Variants in POLR1A observed in about 807,000 individuals in gnomAD.
POLR1A encodes the protein DNA-directed RNA polymerase I subunit RPA1.
In POLR1A, 84 loss-of-function variants were observed where a neutral mutation model predicts 205.3. That is an observed-to-expected ratio of 0.41 (90% CI 0.34 to 0.49). POLR1A has a LOEUF of 0.49. POLR1A is among the 20% of genes least tolerant of loss of function. The pLI, the probability that POLR1A is intolerant of heterozygous loss-of-function variation, is 0.22. For missense variants in POLR1A, 1,645 were observed against 2,204.5 expected (o/e 0.75, Z 5.08); for synonymous variants, 799 against 863.7 (o/e 0.93, Z 1.31).
At chr2:86,034,809 G>A (rs1672464306) in intron 27 of POLR1A, among the ~76,000 whole-genome samples, 1 of 152,090 alleles carries the variant, frequency 6.6e-6, no homozygotes, top group African/African-American at 2.4e-5. Context: ...CAGGTCAAAT[G>A]TATACTATTT....
intron 16 of POLR1A, among the ~76,000 whole-genome samples, chr2:86,050,163 G>A (rs1672777656): frequency 6.6e-6 from 1 of 152,072 alleles, no homozygotes; most frequent in Admixed American, 6.5e-5. Flanking sequence ...TGATCCACCT[G>A]CCTCGGCCTC....
rs150568319 is a variant in POLR1A at position 86,032,263 on chromosome 2, G to T, written c.4272+9C>A. 6.2e-5 allele frequency: 97 copies of T among 1,572,960 alleles called. No individual in the cohort carries two copies. In the Middle Eastern group the frequency reaches 8.3e-4, roughly 14 times the overall value. On this transcript the variant is annotated intron_variant, in intron 29 of 33. Coordinates refer to ENST00000263857, the MANE Select transcript of POLR1A (RefSeq NM_015425.6). ...CCACAGCTCCTTCACCCCACACAGG[G>T]TCTCTCACCTCCTCCTCCTGCTTCT...
At chr2:86,048,631 T>C (rs186222173) in intron 18 of POLR1A, among the ~76,000 whole-genome samples, 27 of 152,256 alleles carry the variant, frequency 1.8e-4, no homozygotes, top group Admixed American at 1.2e-3. Flanking sequence ...ATAAAAACAT[T>C]TATAAAGAAA....
intron 31 of POLR1A, among the ~76,000 whole-genome samples, chr2:86,029,835 C>T (rs1008008892): frequency 2.0e-5 from 3 of 151,948 alleles, no homozygotes; most frequent in Non-Finnish European, 2.9e-5. Context: ...CTCCTGACCT[C>T]GTGATCCGCC....
chr2:86,052,277 C>G (rs1573812218), intron 16 of POLR1A, among the ~76,000 whole-genome samples: 1 of 152,160 alleles, frequency 6.6e-6, no homozygotes, highest in Non-Finnish European at 1.5e-5. Context: ...AGGGAAACCC[C>G]TCTGTGGAGT....
In POLR1A at chr2:86,026,473, T is replaced by C. The variant is rs1672252029; in HGVS notation, c.*950A>G. 6.6e-6 allele frequency: 1 copy of C among 152,252 alleles called. No homozygotes were observed. Among genetic ancestry groups the C allele is most frequent in the Admixed American group, 6.5e-5 (1 of 15,286 alleles). 9.4% of individuals were successfully genotyped at this position (152,252 alleles called of 1,614,324 possible). On this transcript the variant is annotated 3_prime_UTR_variant, in exon 34 of 34. Coordinates refer to ENST00000263857, the MANE Select transcript of POLR1A (RefSeq NM_015425.6). ...AGCCTTTGTATAAGTCCTCTCTGTC[T>C]TTTCTGTCCATGCCAGGGAAATGTA...
Position 86,028,100 on chromosome 2 carries a change from C to A in POLR1A, c.4898-51G>T. 1.3e-6 allele frequency: 2 copies of A among 1,584,562 alleles called. No individual in the cohort carries two copies. The highest frequency in any genetic ancestry group is 2.2e-5 in the South Asian group (2 of 90,052). ...AGGGATTAAGCAGTGACCACGGGAG[C>A]AGTCAGCAGACACAAGCCAAGCTGC... On this transcript the variant is annotated intron_variant, in intron 32 of 33. Coordinates refer to ENST00000263857, the MANE Select transcript of POLR1A (RefSeq NM_015425.6). The surrounding 1 kb of genome is among the most constrained non-coding windows in gnomAD (Gnocchi z 4.5).
chr2:86,030,044 C>T, intron 31 of POLR1A, 152 bp downstream of exon 31: 1 of 662,620 alleles, frequency 1.5e-6, no homozygotes, highest in Admixed American at 2.4e-5. Flanking sequence ...AGGACACGCA[C>T]ACTTGGTTTG....
chr2:86,081,501 T>C, intron 8 of POLR1A, 100 bp downstream of exon 8: 1 of 697,232 alleles, frequency 1.4e-6, no homozygotes, highest in Non-Finnish European at 2.5e-6. Flanking sequence ...TGCAGCTTTG[T>C]CTCTCAGTGC....
At position 86,030,442 on chromosome 2, in the gene POLR1A, C is replaced by T. The variant is rs142471978; in HGVS notation, c.4579-46G>A. 3.3e-4 allele frequency: 459 copies of T among 1,385,494 alleles called. 3 individuals are homozygous for T. The African/African-American group carries it at 6.0e-3, about 18-fold the overall frequency. 85.8% of individuals were successfully genotyped at this position (1,385,494 alleles called of 1,614,324 possible). On this transcript the variant is annotated intron_variant, in intron 30 of 33. Transcript: ENST00000263857. ...GGGTAGGGTGACAGCTACTCCAGTC[C>T]CCACAAAGAGGACTGAGGCGAGACT...
chr2:86,049,088 A>C lies in POLR1A; in HGVS notation c.2476-46T>G, dbSNP rs533388132. 35 of 1,613,458 alleles carry C rather than the reference A, an allele frequency of 2.2e-5. 1 individual carries two copies. In the Admixed American group the frequency reaches 5.3e-4, roughly 25 times the overall value. ...CAGCGGAGGCTGAGGCCAAACGACG[A>C]GAGTGTGGGTTTTGACTCAGCACAC... On this transcript the variant is annotated intron_variant, in intron 17 of 33. Coordinates refer to ENST00000263857, the MANE Select transcript of POLR1A (RefSeq NM_015425.6).
chr2:86,102,416 T>C (rs985745699), intron 1 of POLR1A, among the ~76,000 whole-genome samples: 1 of 152,258 alleles, frequency 6.6e-6, no homozygotes, highest in Non-Finnish European at 1.5e-5. Context: ...GCCATCTGTA[T>C]GTCTTCTTTG....
In POLR1A at chr2:86,070,348, A is replaced by C; in HGVS notation, c.1612-76T>G. The C allele has an allele frequency of 6.9e-7, 1 of 1,459,036 alleles. No individual in the cohort carries two copies. The allele number at this position is 1,459,036 out of a possible 1,614,324, so 90.4% of individuals were successfully genotyped here. ...ACGGCTCTTTCCAAGTGCTCACCTCAGCTTGACCAAGGTGTGGCTTTTGTC... is the reference window on the plus strand; with the variant it reads ...ACGGCTCTTTCCAAGTGCTCACCTCCGCTTGACCAAGGTGTGGCTTTTGTC... On this transcript the variant is annotated intron_variant, in intron 12 of 33. Coordinates refer to ENST00000263857, the MANE Select transcript of POLR1A (RefSeq NM_015425.6). This position sits in a 1 kb window ranked among gnomAD's most constrained non-coding sequence, Gnocchi z 4.4.
chr2:86,027,250 C>G lies in POLR1A; in HGVS notation c.*173G>C. On this transcript the variant is annotated 3_prime_UTR_variant, in exon 34 of 34. Coordinates refer to ENST00000263857, the MANE Select transcript of POLR1A (RefSeq NM_015425.6). ...CAACTCTGTCACTTTCCAGGTGAAG[C>G]TGGCCCAGCTCAGAGGCCCACTGCT... 3.2e-6 allele frequency: 2 copies of G among 615,730 alleles called. No homozygotes were observed. The highest frequency in any genetic ancestry group is 5.8e-6 in the Non-Finnish European group (2 of 343,498). The allele number at this position is 615,730 out of a possible 1,614,324, so 38.1% of individuals were successfully genotyped here.
chr2:86,028,188 C>A lies in POLR1A; in HGVS notation c.4898-139G>T, dbSNP rs1046680263. On this transcript the variant is annotated intron_variant, in intron 32 of 33. Coordinates refer to ENST00000263857, the MANE Select transcript of POLR1A (RefSeq NM_015425.6). This position sits in a 1 kb window ranked among gnomAD's most constrained non-coding sequence, Gnocchi z 4.5. ...GGCTCCCCTTCAGCTCCGCCACCTG[C>A]TCACGCTACTTAACCCTTCCCCGTG... 29 of 769,956 alleles carry A rather than the reference C, an allele frequency of 3.8e-5. No individual in the cohort carries two copies. The African/African-American group carries it at 4.1e-4, about 11-fold the overall frequency. 47.7% of individuals were successfully genotyped at this position (769,956 alleles called of 1,614,324 possible).
At chr2:86,052,682 A>G in intron 16 of POLR1A, 135 bp downstream of exon 16, 1 of 653,468 alleles carries the variant, frequency 1.5e-6, no homozygotes, top group South Asian at 2.8e-5. Context: ...GGACCTGGAA[A>G]GACTTCTCCA....
intron 14 of POLR1A, among the ~76,000 whole-genome samples, chr2:86,061,238 G>C (rs972089620): frequency 6.6e-6 from 1 of 152,206 alleles, no homozygotes; most frequent in African/African-American, 2.4e-5. Flanking sequence ...CCTAAGGTCA[G>C]GAGTTTGAGA....
At chr2:86,096,044 T>C (rs1673696748) in intron 3 of POLR1A, among the ~76,000 whole-genome samples, 1 of 151,944 alleles carries the variant, frequency 6.6e-6, no homozygotes, top group South Asian at 2.1e-4. Flanking sequence ...ATCTCATATA[T>C]AGAAAAACCT....
At chr2:86,074,985 G>C (rs753480399) in intron 12 of POLR1A, 45 bp downstream of exon 12, 1 of 1,378,388 alleles carries the variant, frequency 7.3e-7, no homozygotes, top group Middle Eastern at 2.5e-4. Context: ...ACCAGAATCC[G>C]AACAGGAGCC....
Sources: allele counts gnomAD v4.1 joint callset (sites outside exome capture counted in the v4.1 genomes callset), GRCh38; gene constraint gnomAD v4.1.1; non-coding constraint Gnocchi (gnomAD v3.1); transcripts MANE v1.5; gene names NCBI Gene and HGNC (gene_info 2026-07-23, HGNC 2026-07-21).